Variants in RCOR1 observed in about 807,000 individuals in gnomAD.
RCOR1 encodes the protein REST corepressor 1.
In RCOR1, 12 loss-of-function variants were observed where a neutral mutation model predicts 64.0. The ratio of observed to expected loss-of-function variants is 0.19; its 90% CI spans 0.12 to 0.30. RCOR1 has a LOEUF of 0.30. RCOR1 is among the 10% of genes least tolerant of loss of function. The pLI is 1.00. For missense variants in RCOR1, 502 were observed against 621.2 expected (o/e 0.81, Z 2.04); for synonymous variants, 279 against 227.2 (o/e 1.23, Z -2.05).
At position 102,698,591 on chromosome 14, in the gene RCOR1, C is replaced by T. The variant is rs532742744; in HGVS notation, c.446-2687C>T. ...TTCAAGCCAGTTTTAAACAAGCAGA[C>T]CTTCTCCAGAGTTGACCCTCAATTT... On this transcript the variant is annotated intron_variant, in intron 3 of 11. Coordinates refer to ENST00000262241, the MANE Select transcript of RCOR1 (RefSeq NM_015156.4). 2.0e-5 allele frequency among the ~76,000 whole-genome samples: 3 copies of T among 152,326 alleles called. No individual in the cohort carries two copies. The South Asian group carries it at 6.2e-4, about 32-fold the overall frequency.
chr14:102,649,337 G>A (rs781139621), intron 2 of RCOR1, among the ~76,000 whole-genome samples: 58 of 152,208 alleles, frequency 3.8e-4, no homozygotes, highest in Non-Finnish European at 6.3e-4. Flanking sequence ...AAGTACACAG[G>A]GGCCTTAGGA....
intron 2 of RCOR1, among the ~76,000 whole-genome samples, chr14:102,673,552 G>A (rs1405321712): frequency 6.6e-6 from 1 of 151,812 alleles, no homozygotes; most frequent in Non-Finnish European, 1.5e-5. Flanking sequence ...AGCCAGGATG[G>A]TCTCGATCTC....
intron 2 of RCOR1, among the ~76,000 whole-genome samples, chr14:102,632,720 TTCCTTTCTTCTCCCCTCCC>T (rs1894148296): frequency 1.0e-5 from 1 of 98,458 alleles, no homozygotes; most frequent in African/African-American, 4.4e-5. Context: ...TTCCTTTCCT[TTCCTTTCTTCTCCCCTCCC>T]CTCCCCTCCC....
At chr14:102,620,988 T>TA (rs1296139325) in intron 2 of RCOR1, among the ~76,000 whole-genome samples, 1 of 152,202 alleles carries the variant, frequency 6.6e-6, no homozygotes. Flanking sequence ...ACTTAGTCCT[T>TA]AGTGTCATTA....
intron 2 of RCOR1, among the ~76,000 whole-genome samples, chr14:102,676,609 C>T (rs1243059339): frequency 3.4e-5 from 3 of 88,290 alleles, no homozygotes; most frequent in South Asian, 4.3e-4. Context: ...ACCTCCCGGA[C>T]GGGGCGGCTG....
chr14:102,598,499 G>A (rs927239481), intron 2 of RCOR1, among the ~76,000 whole-genome samples: 2 of 147,580 alleles, frequency 1.4e-5, no homozygotes, highest in African/African-American at 5.0e-5. Flanking sequence ...CCAGGCTGGA[G>A]TGCAGTGGTG....
At chr14:102,707,093 T>C (rs1895873309) in intron 4 of RCOR1, among the ~76,000 whole-genome samples, 1 of 152,088 alleles carries the variant, frequency 6.6e-6, no homozygotes, top group African/African-American at 2.4e-5. Context: ...ATTGCTTCAC[T>C]CTTTCTTGAT....
rs1449317060 is a variant in RCOR1, at chr14:102,726,573, C to A, written c.*67C>A. ...ATCCGGGATATCAGGTATTATGAGA[C>A]ATCACCTAGCCATCTGCATCACATC... On this transcript the variant is annotated 3_prime_UTR_variant, in exon 12 of 12. Coordinates refer to ENST00000262241, the MANE Select transcript of RCOR1 (RefSeq NM_015156.4). 7.7e-7 allele frequency: 1 copy of A among 1,306,422 alleles called. No individual in the cohort carries two copies. The allele number at this position is 1,306,422 out of a possible 1,614,324, so 80.9% of individuals were successfully genotyped here. A position where few individuals can be genotyped will look rare whatever the true frequency, so the allele number is the denominator to read the frequency against.
rs1045013551 is a variant in RCOR1, at chr14:102,646,042, C to G, written c.362-35853C>G. ...GAAGTTACATCACATCATTTCTGCT[C>G]TAGTCAACAACTTGCCTGGGGTTCT... On this transcript the variant is annotated intron_variant, in intron 2 of 11. Coordinates refer to ENST00000262241, the MANE Select transcript of RCOR1 (RefSeq NM_015156.4). 7.2e-5 allele frequency among the ~76,000 whole-genome samples: 11 copies of G among 152,092 alleles called. No individual in the cohort carries two copies. The East Asian group carries it at 9.6e-4, about 13-fold the overall frequency.
chr14:102,705,921 AC>A (rs1895843203), intron 4 of RCOR1, among the ~76,000 whole-genome samples: 1 of 151,526 alleles, frequency 6.6e-6, no homozygotes, highest in Non-Finnish European at 1.5e-5. Flanking sequence ...TTGGAGACCA[AC>A]CTGGGCAACA....
intron 11 of RCOR1, 83 bp from the exon 12 acceptor site, chr14:102,726,385 C>T: frequency 7.9e-7 from 1 of 1,266,166 alleles, no homozygotes; most frequent in East Asian, 2.4e-5. Context: ...GCTACCTTCT[C>T]TTTTCAGTAC....
At chr14:102,634,510 G>T (rs1894190936) in intron 2 of RCOR1, among the ~76,000 whole-genome samples, 2 of 151,956 alleles carry the variant, frequency 1.3e-5, no homozygotes. Flanking sequence ...ACTATCTAGG[G>T]ACAGAAGGTT....
At chr14:102,644,193 A>G (rs74082456) in intron 2 of RCOR1, among the ~76,000 whole-genome samples, 22,629 of 152,220 alleles carry the variant, frequency 0.15, 2,287 homozygotes, top group African/African-American at 0.28. Flanking sequence ...GCTCCTCACA[A>G]CATTATGGCC....
chr14:102,653,476 C>T (rs1894635187), intron 2 of RCOR1, among the ~76,000 whole-genome samples: 1 of 152,174 alleles, frequency 6.6e-6, no homozygotes, highest in Non-Finnish European at 1.5e-5. Context: ...GCATGAGCCA[C>T]CACGTGCAGC....
intron 2 of RCOR1, among the ~76,000 whole-genome samples, chr14:102,667,051 C>G (rs1354706231): frequency 1.3e-5 from 2 of 152,050 alleles, no homozygotes; most frequent in African/African-American, 4.8e-5. Flanking sequence ...AATTATGTTC[C>G]AGGGCCAGGC....
chr14:102,616,206 ATGTGTGTGTGTGTGTGTGTGTGTGTG>A (rs56991991), intron 2 of RCOR1, among the ~76,000 whole-genome samples: 25 of 149,250 alleles, frequency 1.7e-4, no homozygotes, highest in Non-Finnish European at 3.0e-4. Context: ...ACATGTGTAT[ATGTGTGTGTGTGTGTGTGTGTGTGTG>A]TGTGTGTGTG....
chr14:102,654,592 C>T (rs1014944628), intron 2 of RCOR1, among the ~76,000 whole-genome samples: 4 of 151,896 alleles, frequency 2.6e-5, no homozygotes, highest in African/African-American at 7.3e-5. Flanking sequence ...TGAGGCCAGG[C>T]GCACTAGCTG....
intron 10 of RCOR1, 138 bp downstream of exon 10, chr14:102,721,515 C>A: frequency 2.0e-6 from 1 of 494,294 alleles, no homozygotes; most frequent in South Asian, 4.5e-5. Context: ...CACACCACTG[C>A]ATTCCAGCCT....
At chr14:102,674,370 TC>T (rs1487873356) in intron 2 of RCOR1, among the ~76,000 whole-genome samples, 1 of 152,210 alleles carries the variant, frequency 6.6e-6, no homozygotes, top group Non-Finnish European at 1.5e-5. Flanking sequence ...ACACTGTCCT[TC>T]CATGTGCACC....
Sources: allele counts gnomAD v4.1 joint callset (sites outside exome capture counted in the v4.1 genomes callset), GRCh38; gene constraint gnomAD v4.1.1; transcripts MANE v1.5; gene names NCBI Gene and HGNC (gene_info 2026-07-23, HGNC 2026-07-21).